The following LARS2 variants were observed in gnomAD, a reference collection of about 807,000 sequenced individuals.
LARS2 encodes the protein leucine--tRNA ligase, mitochondrial.
LARS2 carries 81 observed loss-of-function variants against 116.6 expected under a neutral mutation model. The observed-to-expected ratio is 0.69, with a 90% CI of 0.58 to 0.84. The LOEUF (loss-of-function observed/expected upper bound fraction) is 0.84, where lower values mean the gene tolerates loss of function less well. Among genes scored for constraint, LARS2 ranks in the 40% least tolerant of loss-of-function variants. The pLI is 0.00. For synonymous variants in LARS2, 396 were observed against 407.2 expected (o/e 0.97, Z 0.33); for missense variants, 968 against 1,114.5 (o/e 0.87, Z 1.87).
chr3:45,448,293 A>G (rs1171808080), intron 7 of LARS2, among the ~76,000 whole-genome samples: 1 of 152,208 alleles, frequency 6.6e-6, no homozygotes, highest in Non-Finnish European at 1.5e-5. Context: ...AGATGGAGAA[A>G]ACCACACTAG....
chr3:45,533,505 A>G (rs1432648631), intron 20 of LARS2, among the ~76,000 whole-genome samples: 2 of 152,196 alleles, frequency 1.3e-5, no homozygotes, highest in African/African-American at 4.8e-5. Context: ...TCTATAAAAC[A>G]ATACTGATCC....
chr3:45,487,700 C>T (rs184025328), intron 11 of LARS2, among the ~76,000 whole-genome samples: 5 of 152,094 alleles, frequency 3.3e-5, no homozygotes, highest in Admixed American at 6.5e-5. Flanking sequence ...AGACAGCCCC[C>T]GCAACAAAGT....
rs1699610378 is a variant in LARS2 at position 45,476,455 on chromosome 3, T to C, written c.859-13T>C. The C allele has an allele frequency of 6.2e-7, 1 of 1,614,078 alleles. No individual in the cohort carries two copies. Among genetic ancestry groups the C allele is most frequent in the African/African-American group, 1.3e-5 (1 of 75,034 alleles). On this transcript the variant is annotated splice_polypyrimidine_tract_variant and intron_variant, in intron 9 of 21. Coordinates refer to ENST00000645846, the MANE Select transcript of LARS2 (RefSeq NM_015340.4). ...GACTGAGAAATGACATCACTCTTCT[T>C]TCCTATCACCAGGTTCATGGGCAAG...
intron 6 of LARS2, among the ~76,000 whole-genome samples, chr3:45,425,828 C>T (rs746137677): frequency 1.3e-5 from 2 of 152,040 alleles, no homozygotes; most frequent in Non-Finnish European, 2.9e-5. Context: ...ACACCTAAAA[C>T]GCTTGATGAC....
chr3:45,466,872 A>G (rs555918158), intron 8 of LARS2, among the ~76,000 whole-genome samples: 84 of 152,236 alleles, frequency 5.5e-4, no homozygotes, highest in African/African-American at 2.0e-3. Flanking sequence ...GCCTGCCACC[A>G]TGCCCGGCTA....
At chr3:45,410,596 C>A (rs929845951) in intron 4 of LARS2, among the ~76,000 whole-genome samples, 1 of 152,140 alleles carries the variant, frequency 6.6e-6, no homozygotes, top group African/African-American at 2.4e-5. Context: ...GGTACTAGGT[C>A]CTTGAAGTAC....
intron 6 of LARS2, among the ~76,000 whole-genome samples, chr3:45,430,845 A>C (rs1698700363): frequency 6.6e-6 from 1 of 151,966 alleles, no homozygotes. Flanking sequence ...TCGGCCTCCC[A>C]AAGTGCTGGG....
intron 20 of LARS2, among the ~76,000 whole-genome samples, chr3:45,526,403 G>A (rs2125760574): frequency 6.6e-6 from 1 of 152,234 alleles, no homozygotes; most frequent in Admixed American, 6.5e-5. Context: ...CATAAAGAAA[G>A]CCTGTGCTTG....
rs374061060 is a variant in LARS2, at chr3:45,516,099, G to A, written c.1867G>A (p.Val623Ile). The A allele has an allele frequency of 1.8e-5, 29 of 1,613,842 alleles. No homozygotes were observed. Among genetic ancestry groups the A allele is most frequent in the African/African-American group, 2.7e-5 (2 of 75,022 alleles). Residue 623 changes from valine to isoleucine, a missense_variant, in exon 17 of 22, where the codon GTT becomes ATT. Val to Ile is a conservative substitution (Grantham distance 29). Transcript: ENST00000645846. The stretch of plus-strand genomic sequence containing the variant: ...TGGATTATTTTGGCATCTAGGTTCC[G>A]TTCCTGTTCATGCAAAAACGAAAGA... ...QREEVDLTGS[V>I]PVHAKTKEKL...
chr3:45,523,357 A>T (rs990847355), intron 19 of LARS2, among the ~76,000 whole-genome samples: 2 of 152,324 alleles, frequency 1.3e-5, no homozygotes, highest in South Asian at 4.1e-4. Flanking sequence ...TGCAGCACAG[A>T]GGAAACCTAG....
At chr3:45,461,160 T>C (rs1699317116) in intron 8 of LARS2, among the ~76,000 whole-genome samples, 1 of 151,948 alleles carries the variant, frequency 6.6e-6, no homozygotes, top group Admixed American at 6.6e-5. Context: ...GAAAACATGG[T>C]CATAATGAAT....
chr3:45,474,328 G>T lies in LARS2; in HGVS notation c.836G>T (p.Cys279Phe), dbSNP rs1699578173. 1 of 1,607,252 alleles carries T rather than the reference G, an allele frequency of 6.2e-7. No individual in the cohort carries two copies. The highest frequency in any genetic ancestry group is 8.5e-7 in the Non-Finnish European group (1 of 1,174,516). ...CACTGGATTGGGGACTGTGTGGGCT[G>T]CCACCTGGACTTCACATTAAAGGTG... The part of the protein sequence containing the change: ...QAHWIGDCVG[C>F]HLDFTLKVHG... Residue 279 changes from cysteine to phenylalanine, a missense_variant, in exon 9 of 22, where the codon TGC (cysteine) becomes TTC (phenylalanine). Cys to Phe is a radical substitution (Grantham distance 205, BLOSUM62 -2). Coordinates refer to ENST00000645846, the MANE Select transcript of LARS2 (RefSeq NM_015340.4).
intron 15 of LARS2, among the ~76,000 whole-genome samples, chr3:45,503,826 T>TG (rs1177311029): frequency 6.6e-6 from 1 of 152,080 alleles, no homozygotes; most frequent in Non-Finnish European, 1.5e-5. Context: ...AAGTAATACA[T>TG]GTCTAAACCA....
chr3:45,417,524 G>A lies in LARS2; in HGVS notation c.406G>A (p.Glu136Lys), dbSNP rs1189333799. 6.2e-7 allele frequency: 1 copy of A among 1,614,166 alleles called. No homozygotes were observed. The change falls in exon 5 of 22, where the codon GAA (glutamate) becomes AAA (lysine). Residue 136 changes from glutamate to lysine, a missense_variant. Physicochemically the swap from Glu to Lys is moderately conservative, Grantham distance 56. Coordinates refer to ENST00000645846, the MANE Select transcript of LARS2 (RefSeq NM_015340.4). ...MGWDAFGLPAENAAVERNLHP... is the reference protein window; with the variant it reads ...MGWDAFGLPAKNAAVERNLHP... ...ATGGGATGCTTTTGGATTGCCTGCTGAAAATGCCGCAGTCGAGAGGAATCT... is the reference window on the plus strand; with the variant it reads ...ATGGGATGCTTTTGGATTGCCTGCTAAAAATGCCGCAGTCGAGAGGAATCT...
intron 6 of LARS2, among the ~76,000 whole-genome samples, chr3:45,433,666 T>C (rs1698757173): frequency 6.6e-6 from 1 of 152,174 alleles, no homozygotes. Flanking sequence ...TCTATCGTAT[T>C]TACCCCTATT....
In LARS2 at chr3:45,503,503, G is replaced by A. The variant is rs148566865; in HGVS notation, c.1760+2924G>A. Among the ~76,000 whole-genome samples, 400 of 152,172 alleles carry A rather than the reference G, an allele frequency of 2.6e-3. 5 individuals are homozygous for A. The highest frequency in any genetic ancestry group is 9.3e-3 in the African/African-American group (388 of 41,554). On this transcript the variant is annotated intron_variant, in intron 15 of 21. Coordinates refer to ENST00000645846, the MANE Select transcript of LARS2 (RefSeq NM_015340.4). ...CACAGGGGTTCTATAGCTATGCCCAGGGTGGAAGCTGGCTTCAGTAACTGT... is the reference window on the plus strand; with the variant it reads ...CACAGGGGTTCTATAGCTATGCCCAAGGTGGAAGCTGGCTTCAGTAACTGT...
intron 20 of LARS2, among the ~76,000 whole-genome samples, chr3:45,537,307 C>T (rs983754783): frequency 1.3e-5 from 2 of 152,104 alleles, no homozygotes; most frequent in Admixed American, 1.3e-4. Context: ...CTCTTGAGGT[C>T]TCAGTCCACA....
chr3:45,398,238 C>T (rs943258917), intron 3 of LARS2, among the ~76,000 whole-genome samples: 7 of 152,148 alleles, frequency 4.6e-5, no homozygotes, highest in Admixed American at 2.6e-4. Context: ...CTAATGGTTC[C>T]GTTAAAGGTT....
intron 18 of LARS2, 98 bp downstream of exon 18, chr3:45,518,170 G>T: frequency 5.9e-6 from 5 of 848,430 alleles, no homozygotes; most frequent in Non-Finnish European, 9.2e-6. Context: ...CTTGGGTTGG[G>T]CCACTGTGGG....
Sources: gnomAD v4.1 joint callset for allele counts (sites outside exome capture counted in the v4.1 genomes callset) on GRCh38, gnomAD v4.1.1 for gene constraint, MANE v1.5 for transcripts, NCBI Gene and HGNC (gene_info 2026-07-23, HGNC 2026-07-21) for gene names.